Variants in STARD13 observed in about 807,000 individuals in gnomAD.
The protein encoded by STARD13 is StAR related lipid transfer domain containing 13.
Under a neutral mutation model 106.4 loss-of-function variants are expected in STARD13, and 62 were observed. That is an observed-to-expected ratio of 0.58 (90% CI 0.48 to 0.72). The LOEUF (loss-of-function observed/expected upper bound fraction) is 0.72, where lower values mean the gene tolerates loss of function less well. STARD13 is among the 30% of genes least tolerant of loss of function. The pLI, the probability that STARD13 is intolerant of heterozygous loss-of-function variation, is 0.00. For missense variants in STARD13, 1,387 were observed against 1,424.0 expected, an observed-to-expected ratio of 0.97 and a Z score of 0.42; for synonymous variants, 565 against 553.0, an observed-to-expected ratio of 1.02 and a Z score of -0.31.
chr13:33,429,929 G>C, the STARD13 span, among the ~76,000 whole-genome samples: 4 of 144,608 alleles, frequency 2.8e-5, no homozygotes, highest in Admixed American at 6.8e-5. Context: ...TTTTTTTTTG[G>C]GGGGGGGGGA....
rs550159945 is a variant in STARD13, at chr13:33,192,701, C to T, written c.170-25079G>A. 1.7e-3 allele frequency among the ~76,000 whole-genome samples: 262 copies of T among 152,212 alleles called. 2 individuals are homozygous for T. The highest frequency in any genetic ancestry group is 6.2e-3 in the African/African-American group (256 of 41,526). ...ATCACCTGAGGTCGGGAGTTCAAGACCAACCTGACTAAAATGGAGAAACGC... is the reference window on the plus strand; with the variant it reads ...ATCACCTGAGGTCGGGAGTTCAAGATCAACCTGACTAAAATGGAGAAACGC... On this transcript the variant is annotated intron_variant, in intron 1 of 13. Transcript: ENST00000336934.
the STARD13 span, chr13:33,511,532 A>G: frequency 6.6e-6 from 1 of 152,136 alleles, no homozygotes; most frequent in African/African-American, 2.4e-5. Flanking sequence ...ACCATTTACT[A>G]TTTATTATTT....
At chr13:33,671,906 T>C in the STARD13 span, among the ~76,000 whole-genome samples, 3 of 152,220 alleles carry the variant, frequency 2.0e-5, no homozygotes, top group Non-Finnish European at 4.4e-5. Context: ...TTGTCCCTTT[T>C]ACACTGTTGG....
intron 1 of STARD13, among the ~76,000 whole-genome samples, chr13:33,273,704 G>A (rs1216513558): frequency 6.6e-6 from 1 of 152,164 alleles, no homozygotes; most frequent in African/African-American, 2.4e-5. Flanking sequence ...TAATTCATTT[G>A]AATTAGTACG....
the STARD13 span, among the ~76,000 whole-genome samples, chr13:33,596,599 A>C: frequency 6.6e-6 from 1 of 152,206 alleles, no homozygotes; most frequent in African/African-American, 2.4e-5. Flanking sequence ...ATAATAAACT[A>C]TTGTTAACTA....
At chr13:33,350,299 G>A (rs369910212) in exon 1 of STARD13, 4 of 1,531,060 alleles carry the variant, frequency 2.6e-6, no homozygotes, top group Non-Finnish European at 3.5e-6. Flanking sequence ...CCTGCCAGCC[G>A]CCTCTCCCGG....
At chr13:33,400,430 A>G in the STARD13 span, among the ~76,000 whole-genome samples, 3 of 151,694 alleles carry the variant, frequency 2.0e-5, no homozygotes, top group African/African-American at 4.8e-5. Context: ...TAACACTGCA[A>G]TGAACATGGG....
intron 2 of STARD13, among the ~76,000 whole-genome samples, chr13:33,165,693 G>A (rs555323234): frequency 6.6e-6 from 1 of 152,212 alleles, no homozygotes; most frequent in Non-Finnish European, 1.5e-5. Context: ...CCTTATTACA[G>A]TCTTAGGTGG....
the STARD13 span, among the ~76,000 whole-genome samples, chr13:33,650,164 A>ATTTTT: frequency 4.3e-4 from 21 of 48,374 alleles, 6 homozygotes; most frequent in East Asian, 1.5e-3. Context: ...CGTGACTCCA[A>ATTTTT]TTTTTTTTTT....
intron 3 of STARD13, among the ~76,000 whole-genome samples, chr13:33,157,996 T>C (rs1413911346): frequency 6.6e-6 from 1 of 152,236 alleles, no homozygotes; most frequent in Non-Finnish European, 1.5e-5. Context: ...AACATCAGAA[T>C]ACAATTACAA....
the STARD13 span, among the ~76,000 whole-genome samples, chr13:33,461,273 C>T: frequency 2.6e-5 from 4 of 152,174 alleles, no homozygotes; most frequent in Non-Finnish European, 5.9e-5. Flanking sequence ...TGTAAAAATT[C>T]ATTTTACGTT....
At chr13:33,439,735 A>T in the STARD13 span, 1 of 1,235,890 alleles carries the variant, frequency 8.1e-7, no homozygotes, top group Non-Finnish European at 1.1e-6. Context: ...CTGTAAAAAA[A>T]CAGTATCACT....
intron 1 of STARD13, among the ~76,000 whole-genome samples, chr13:33,175,267 T>A (rs1473669207): frequency 1.3e-5 from 2 of 152,122 alleles, no homozygotes. Context: ...CATGCATACA[T>A]CCCCAGCTTT....
chr13:33,237,438 G>A (rs1312274927), intron 1 of STARD13, among the ~76,000 whole-genome samples: 2 of 152,256 alleles, frequency 1.3e-5, no homozygotes, highest in Admixed American at 6.5e-5. Flanking sequence ...GAATGTAAAC[G>A]AGCCTCAATT....
At chr13:33,418,375 T>G in the STARD13 span, among the ~76,000 whole-genome samples, 5 of 152,206 alleles carry the variant, frequency 3.3e-5, no homozygotes, top group Non-Finnish European at 5.9e-5. Context: ...AGGCTGCAGC[T>G]GGGCAAGGGG....
intron 4 of STARD13, among the ~76,000 whole-genome samples, chr13:33,137,572 T>C (rs987182425): frequency 6.6e-6 from 1 of 152,208 alleles, no homozygotes; most frequent in Non-Finnish European, 1.5e-5. Flanking sequence ...GCTTATCATA[T>C]GGAAGGCCTT....
chr13:33,440,040 C>T, the STARD13 span, among the ~76,000 whole-genome samples: 1 of 152,218 alleles, frequency 6.6e-6, no homozygotes, highest in East Asian at 1.9e-4. Flanking sequence ...TTCAGCAGGC[C>T]TAGGTGGGAG....
rs141646291 is a variant in STARD13 at position 33,313,897 on chromosome 13, T to C, written c.124+36393A>G. The stretch of plus-strand genomic sequence containing the variant: ...TTTTCCCAAGCATTTACAGATACCA[T>C]GTTGCACCCCCTTAAAATACTCTCT... On this transcript the variant is annotated intron_variant, in intron 1 of 5. Coordinates refer to the STARD13 transcript ENST00000567873. Among the ~76,000 whole-genome samples, 377 of 152,308 alleles carry C rather than the reference T, an allele frequency of 2.5e-3. 3 individuals carry two copies. The highest frequency in any genetic ancestry group is 4.1e-3 in the Non-Finnish European group (279 of 68,020).
At chr13:33,131,623 A>G (rs764853582) in intron 4 of STARD13, among the ~76,000 whole-genome samples, 2 of 152,188 alleles carry the variant, frequency 1.3e-5, no homozygotes, top group African/African-American at 2.4e-5. Context: ...TCTCTGTTTC[A>G]TTATTCATAT....
Sources: gnomAD v4.1 joint callset for allele counts (sites outside exome capture counted in the v4.1 genomes callset) on GRCh38, gnomAD v4.1.1 for gene constraint, MANE v1.5 for transcripts, NCBI Gene and HGNC (gene_info 2026-07-23, HGNC 2026-07-21) for gene names.